SRP54: variants seen among roughly 807,000 people sequenced by gnomAD.
The protein encoded by SRP54 is signal recognition particle subunit SRP54.
Under a neutral mutation model 64.8 loss-of-function variants are expected in SRP54, and 10 were observed. The observed-to-expected ratio is 0.15, with a 90% CI of 0.10 to 0.26. SRP54 has a LOEUF of 0.26. SRP54 is among the 10% of genes least tolerant of loss of function. The pLI, the probability that SRP54 is intolerant of heterozygous loss-of-function variation, is 1.00. For synonymous variants in SRP54, 193 were observed against 185.6 expected, an observed-to-expected ratio of 1.04 and a Z score of -0.32; for missense variants, 325 against 613.7, an observed-to-expected ratio of 0.53 and a Z score of 4.97.
intron 2 of SRP54, among the ~76,000 whole-genome samples, chr14:34,998,822 A>G: frequency 7.0e-6 from 1 of 142,160 alleles, no homozygotes; most frequent in East Asian, 2.0e-4. Context: ...ACTCTGTTCC[A>G]AAAAAAAAAA....
chr14:35,010,636 G>A (rs799461), intron 7 of SRP54, among the ~76,000 whole-genome samples: 3 of 151,598 alleles, frequency 2.0e-5, no homozygotes, highest in Non-Finnish European at 4.4e-5. Flanking sequence ...CTGGTGGCAG[G>A]CGCCTGTAAT....
At chr14:35,022,000 T>C (rs1487489565) in intron 13 of SRP54, among the ~76,000 whole-genome samples, 1 of 152,360 alleles carries the variant, frequency 6.6e-6, no homozygotes, top group South Asian at 2.1e-4. Flanking sequence ...CACTATATGC[T>C]ACTGAGAGAA....
chr14:35,018,672 T>A lies in SRP54; in HGVS notation c.974-20T>A. The A allele has an allele frequency of 6.3e-7, 1 of 1,591,814 alleles. No individual in the cohort carries two copies. The highest frequency in any genetic ancestry group is 1.3e-5 in the African/African-American group (1 of 74,212). On this transcript the variant is annotated intron_variant, in intron 11 of 15. Coordinates refer to ENST00000216774, the MANE Select transcript of SRP54 (RefSeq NM_003136.4). ...ATGTACATACTTTAATATATCCGAA[T>A]TATTTACATTGTATTTCAGGTCAGT...
At chr14:34,985,821 T>C (rs908126800) in intron 1 of SRP54, among the ~76,000 whole-genome samples, 3 of 152,246 alleles carry the variant, frequency 2.0e-5, no homozygotes, top group Non-Finnish European at 4.4e-5. Context: ...TTTTTTACCT[T>C]ACTATCTCTG....
intron 1 of SRP54, among the ~76,000 whole-genome samples, chr14:34,983,762 A>G (rs1171424467): frequency 1.3e-5 from 2 of 152,208 alleles, no homozygotes; most frequent in Non-Finnish European, 2.9e-5. Context: ...TGCTTAATTT[A>G]ACAAAATATA....
At chr14:35,028,046 A>G in intron 14 of SRP54, 42 bp from the exon 15 acceptor site, 1 of 1,333,128 alleles carries the variant, frequency 7.5e-7, no homozygotes, top group East Asian at 2.3e-5. Context: ...TGATTATATT[A>G]CCTCCTACGC....
At chr14:34,997,008 C>A (rs983213557) in intron 2 of SRP54, 9 of 395,990 alleles carry the variant, frequency 2.3e-5, no homozygotes, top group Admixed American at 8.4e-5. Flanking sequence ...AAAAAAAAAT[C>A]GAAAAAAACC....
At position 35,010,129 on chromosome 14, in the gene SRP54, C is replaced by G. The variant is rs574347341; in HGVS notation, c.485+1298C>G. The stretch of plus-strand genomic sequence containing the variant: ...TGCCACTACCCTTCAGCCTGGGTGA[C>G]AGAGCTAGACACCGTTTAAAAAAAA... On this transcript the variant is annotated intron_variant, in intron 7 of 15. Coordinates refer to ENST00000216774, the MANE Select transcript of SRP54 (RefSeq NM_003136.4). 4.0e-5 allele frequency among the ~76,000 whole-genome samples: 6 copies of G among 151,424 alleles called. No homozygotes were observed. In the East Asian group the frequency reaches 1.2e-3, roughly 30 times the overall value.
intron 14 of SRP54, among the ~76,000 whole-genome samples, chr14:35,024,476 A>C (rs925876163): frequency 6.6e-6 from 1 of 151,814 alleles, no homozygotes; most frequent in Non-Finnish European, 1.5e-5. Context: ...TTTCCCCCTT[A>C]TATCTTTGTA....
chr14:34,997,023 C>T (rs1481911287), intron 2 of SRP54: 1 of 410,950 alleles, frequency 2.4e-6, no homozygotes, highest in Non-Finnish European at 4.3e-6. Context: ...AAAACCTGAC[C>T]TTAACTTACA....
chr14:35,018,899 T>G, intron 12 of SRP54, 67 bp from the exon 13 acceptor site: 1 of 1,477,810 alleles, frequency 6.8e-7, no homozygotes, highest in Middle Eastern at 1.7e-4. Flanking sequence ...AACCTAATAG[T>G]TAAATGTGGA....
intron 7 of SRP54, among the ~76,000 whole-genome samples, chr14:35,009,604 C>T (rs1375916958): frequency 6.6e-6 from 1 of 152,020 alleles, no homozygotes; most frequent in Admixed American, 6.5e-5. Context: ...AGATTTGCCT[C>T]ATAAAAGCAA....
At chr14:34,987,570 T>G (rs939826829) in intron 1 of SRP54, among the ~76,000 whole-genome samples, 1 of 152,114 alleles carries the variant, frequency 6.6e-6, no homozygotes, top group Non-Finnish European at 1.5e-5. Context: ...TTTTCACTTA[T>G]GTTTCGAAGA....
At chr14:35,018,110 T>C (rs1166962832) in intron 11 of SRP54, among the ~76,000 whole-genome samples, 1 of 152,220 alleles carries the variant, frequency 6.6e-6, no homozygotes, top group Non-Finnish European at 1.5e-5. Context: ...CTTAAAAAAA[T>C]AAAGAAATTC....
intron 1 of SRP54, among the ~76,000 whole-genome samples, chr14:34,992,072 A>C (rs867480057): frequency 7.2e-5 from 11 of 152,272 alleles, no homozygotes; most frequent in Middle Eastern, 3.4e-3. Context: ...AGCTGGGATT[A>C]CAGGCATCTG....
At chr14:35,019,208 C>T (rs1483226012) in intron 13 of SRP54, 134 bp downstream of exon 13, 1 of 617,198 alleles carries the variant, frequency 1.6e-6, no homozygotes, top group East Asian at 2.9e-5. Flanking sequence ...TTTGTAATAG[C>T]TTGAAAGCTC....
chr14:35,023,829 C>T lies in SRP54; in HGVS notation c.1327+749C>T, dbSNP rs117179461. On this transcript the variant is annotated intron_variant, in intron 14 of 15. Coordinates refer to ENST00000216774, the MANE Select transcript of SRP54 (RefSeq NM_003136.4). ...ACACACACACACACACACACTTCTT[C>T]TGAGTAATACTGTTTAAGTTATGCA... 2.0e-5 allele frequency among the ~76,000 whole-genome samples: 3 copies of T among 150,350 alleles called. No individual in the cohort carries two copies. The Admixed American group carries it at 2.0e-4, about 10-fold the overall frequency.
At chr14:35,016,414 G>A (rs1480936796) in intron 11 of SRP54, among the ~76,000 whole-genome samples, 1 of 152,146 alleles carries the variant, frequency 6.6e-6, no homozygotes, top group East Asian at 1.9e-4. Flanking sequence ...AGCTATGCTG[G>A]ACTTCTTTTA....
chr14:35,000,998 C>T lies in SRP54; in HGVS notation c.233C>T (p.Ala78Val). The T allele has an allele frequency of 6.3e-7, 1 of 1,590,844 alleles. No homozygotes were observed. The highest frequency in any genetic ancestry group is 8.6e-7 in the Non-Finnish European group (1 of 1,167,620). ...AACAAAAGAAAAATGATTCAGCATG[C>T]TGTATTTAAAGAACTTGTGAAGGTA... ...GLNKRKMIQH[A>V]VFKELVKLVD... is the part of the protein sequence containing the mutation. The change falls in exon 4 of 16, where the codon GCT (alanine) becomes GTT (valine). Residue 78 changes from alanine (A) to valine (V), a missense_variant. This residue lies in a region of SRP54 where 156 missense variants were observed against 254.6 expected (regional missense o/e 0.61). Coordinates refer to ENST00000216774, the MANE Select transcript of SRP54 (RefSeq NM_003136.4).
Sources: allele counts gnomAD v4.1 joint callset (sites outside exome capture counted in the v4.1 genomes callset), GRCh38; gene constraint gnomAD v4.1.1; regional missense constraint gnomAD v4.1.1; transcripts MANE v1.5; gene names NCBI Gene and HGNC (gene_info 2026-07-23, HGNC 2026-07-21).